The following EYA1 variants were observed in gnomAD, a reference collection of about 807,000 sequenced individuals.
EYA1 encodes the protein protein phosphatase EYA1.
A neutral mutation model predicts 82.0 loss-of-function variants in EYA1; 16 were observed. The ratio of observed to expected loss-of-function variants is 0.20; its 90% CI spans 0.13 to 0.30. EYA1 has a LOEUF of 0.30. Ranked by LOEUF, EYA1 falls within the 10% of genes least tolerant of loss-of-function variation. EYA1 has a pLI of 1.00. For missense variants in EYA1, 633 were observed against 730.7 expected, an observed-to-expected ratio of 0.87 and a Z score of 1.54; for synonymous variants, 261 against 264.4, an observed-to-expected ratio of 0.99 and a Z score of 0.12.
At chr8:71,362,765 C>T (rs1170691120), upstream of EYA1, among the ~76,000 whole-genome samples, 1 of 152,104 alleles carries the variant, frequency 6.6e-6, no homozygotes, top group Non-Finnish European at 1.5e-5. Flanking sequence ...ATCTAGAACT[C>T]TTTCTTTACA....
chr8:71,265,294 T>G (rs1262334626), intron 11 of EYA1, among the ~76,000 whole-genome samples: 2 of 152,236 alleles, frequency 1.3e-5, no homozygotes, highest in African/African-American at 4.8e-5. Flanking sequence ...CGTTTCAATT[T>G]TCTCATCTAT....
chr8:71,526,597 T>C (rs1813833777), intron 2 of EYA1, among the ~76,000 whole-genome samples: 3 of 152,164 alleles, frequency 2.0e-5, no homozygotes, highest in Admixed American at 2.0e-4. Flanking sequence ...CTCACTCCCA[T>C]GGTTGTTGTG....
At chr8:71,424,029 C>T (rs1214202023) in intron 2 of EYA1, among the ~76,000 whole-genome samples, 1 of 152,094 alleles carries the variant, frequency 6.6e-6, no homozygotes, top group Non-Finnish European at 1.5e-5. Flanking sequence ...AATGGCCAGC[C>T]AAAATCTCTT....
intron 2 of EYA1, among the ~76,000 whole-genome samples, chr8:71,478,582 G>A (rs1809853252): frequency 6.6e-6 from 1 of 152,152 alleles, no homozygotes. Context: ...CTCTACCTGT[G>A]AACAGCCACT....
intron 9 of EYA1, among the ~76,000 whole-genome samples, chr8:71,293,302 A>C (rs925985541): frequency 1.3e-5 from 2 of 152,186 alleles, no homozygotes; most frequent in African/African-American, 4.8e-5. Context: ...TTAATCTTTC[A>C]AAACAGAAAG....
chr8:71,283,397 C>T (rs1818033903), intron 9 of EYA1, among the ~76,000 whole-genome samples: 1 of 152,212 alleles, frequency 6.6e-6, no homozygotes. Context: ...CTGCCAGATG[C>T]ATTTTATATG....
At chr8:71,330,953 G>A (rs1051465996) in intron 4 of EYA1, among the ~76,000 whole-genome samples, 7 of 151,794 alleles carry the variant, frequency 4.6e-5, no homozygotes, top group Admixed American at 1.3e-4. Context: ...ATTTCTGGCC[G>A]GGTGCAGTGG....
intron 12 of EYA1, among the ~76,000 whole-genome samples, chr8:71,230,080 T>G (rs926950185): frequency 1.3e-4 from 20 of 152,208 alleles, no homozygotes; most frequent in Non-Finnish European, 8.8e-5. Context: ...TGCACTGAAA[T>G]GGGAGAAGTC....
At chr8:71,207,123 C>A (rs1203679189) in intron 17 of EYA1, among the ~76,000 whole-genome samples, 1 of 152,120 alleles carries the variant, frequency 6.6e-6, no homozygotes, top group Non-Finnish European at 1.5e-5. Flanking sequence ...GTTTCTTTAG[C>A]TTGAGTTTTC....
chr8:71,425,349 G>A (rs1345812538), intron 2 of EYA1, among the ~76,000 whole-genome samples: 1 of 151,976 alleles, frequency 6.6e-6, no homozygotes, highest in Non-Finnish European at 1.5e-5. Flanking sequence ...GAGAGGTTGA[G>A]AAAGCAAATA....
intron 2 of EYA1, among the ~76,000 whole-genome samples, chr8:71,479,992 G>C (rs1261297335): frequency 1.3e-5 from 2 of 152,096 alleles, no homozygotes; most frequent in Non-Finnish European, 2.9e-5. Flanking sequence ...AATCTTCTCT[G>C]ATCTTCATAA....
intron 11 of EYA1, among the ~76,000 whole-genome samples, chr8:71,254,363 T>C (rs1814145695): frequency 6.9e-6 from 1 of 145,778 alleles, no homozygotes; most frequent in South Asian, 2.2e-4. Context: ...AATAATACAA[T>C]AGGGTTGCTG....
intron 2 of EYA1, among the ~76,000 whole-genome samples, chr8:71,487,138 A>T (rs1563664262): frequency 6.6e-6 from 1 of 151,854 alleles, no homozygotes; most frequent in East Asian, 1.9e-4. Flanking sequence ...TCAGAAATTC[A>T]AATGTATTAT....
chr8:71,400,447 C>A (rs76724433), intron 2 of EYA1, among the ~76,000 whole-genome samples: 207 of 151,322 alleles, frequency 1.4e-3, no homozygotes, highest in African/African-American at 4.8e-3. Context: ...AAAAAATTTA[C>A]AAGAAAAAAA....
intron 12 of EYA1, among the ~76,000 whole-genome samples, chr8:71,231,483 A>G (rs1009446594): frequency 6.6e-6 from 1 of 152,190 alleles, no homozygotes; most frequent in Non-Finnish European, 1.5e-5. Flanking sequence ...TGGGGAAGTC[A>G]CTGCTCCAAC....
At chr8:71,284,543 T>C (rs1278539075) in intron 9 of EYA1, among the ~76,000 whole-genome samples, 1 of 152,242 alleles carries the variant, frequency 6.6e-6, no homozygotes, top group Non-Finnish European at 1.5e-5. Context: ...AGCACCATTG[T>C]CAAGATTGCA....
intron 2 of EYA1, among the ~76,000 whole-genome samples, chr8:71,521,678 C>T (rs944969078): frequency 6.6e-6 from 1 of 152,084 alleles, no homozygotes; most frequent in South Asian, 2.1e-4. Context: ...AAACATACTT[C>T]TTTTTTCCCC....
intron 2 of EYA1, among the ~76,000 whole-genome samples, chr8:71,409,895 A>G (rs919147221): frequency 2.3e-5 from 3 of 130,420 alleles, no homozygotes; most frequent in Admixed American, 1.5e-4. Context: ...TCATTCTGAT[A>G]CCAAAGCCAG....
Position 71,454,779 on chromosome 8 carries a change from G to T in EYA1, c.33+80965C>A, listed in dbSNP as rs562664032. Among the ~76,000 whole-genome samples, 54 of 152,282 alleles carry T rather than the reference G, an allele frequency of 3.5e-4. No homozygotes were observed. In the East Asian group the frequency reaches 0.01, roughly 28 times the overall value. On this transcript the variant is annotated intron_variant, in intron 2 of 18. Coordinates refer to the EYA1 transcript ENST00000643681. ...GGACACATTCAAAGCAGTGTGTAGA[G>T]GGAAATTTACAGCACTAAATGCCCA...
Sources: gnomAD v4.1 joint callset for allele counts (sites outside exome capture counted in the v4.1 genomes callset) on GRCh38, gnomAD v4.1.1 for gene constraint, MANE v1.5 for transcripts, NCBI Gene and HGNC (gene_info 2026-07-23, HGNC 2026-07-21) for gene names.